The following TATDN2 variants were observed in gnomAD, a reference collection of about 807,000 sequenced individuals.
TATDN2 encodes TatD DNase domain containing 2.
In TATDN2, 44 loss-of-function variants were observed where a neutral mutation model predicts 60.3. The observed-to-expected ratio is 0.73, with a 90% CI of 0.57 to 0.94. The LOEUF (loss-of-function observed/expected upper bound fraction) is 0.94, where lower values mean the gene tolerates loss of function less well. Among genes scored for constraint, TATDN2 ranks in the 40% least tolerant of loss-of-function variants. The pLI, the probability that TATDN2 is intolerant of heterozygous loss-of-function variation, is 0.00. For missense variants in TATDN2, 997 were observed against 948.0 expected, an observed-to-expected ratio of 1.05 and a Z score of -0.68; for synonymous variants, 399 against 355.8, an observed-to-expected ratio of 1.12 and a Z score of -1.37.
intron 2 of TATDN2, among the ~76,000 whole-genome samples, chr3:10,256,328 T>C (rs1166219873): frequency 1.3e-5 from 2 of 152,060 alleles, no homozygotes; most frequent in African/African-American, 4.8e-5. Flanking sequence ...TGTGGGTCAC[T>C]GCACCCAGCT....
At chr3:10,254,638 G>A (rs1698278150) in intron 2 of TATDN2, among the ~76,000 whole-genome samples, 1 of 152,298 alleles carries the variant, frequency 6.6e-6, no homozygotes, top group African/African-American at 2.4e-5. Context: ...GCATTTTAGA[G>A]CTCCTCTGGC....
Position 10,270,512 on chromosome 3 carries a change from A to G in TATDN2, c.1330A>G (p.Asn444Asp), listed in dbSNP as rs767098278. The change falls in exon 4 of 8, where the codon AAT (asparagine) becomes GAT (aspartate). Residue 444 changes from asparagine (N) to aspartate (D), a missense_variant. Asn to Asp is a conservative substitution (Grantham distance 23, BLOSUM62 1). Transcript: ENST00000448281. ...MEASEEGWSQ[N>D]SRSFRFSRSS... ...GGCCTCAGAGGAAGGCTGGTCCCAG[A>G]ATTCTCGTTCATTTCGCTTCTCCAG... 1.4e-5 allele frequency: 23 copies of G among 1,614,212 alleles called. No homozygotes were observed. Among genetic ancestry groups the G allele is most frequent in the Non-Finnish European group, 1.9e-5 (22 of 1,180,022 alleles).
chr3:10,249,520 G>A lies in TATDN2; in HGVS notation c.320G>A (p.Arg107Gln), dbSNP rs1698189408. 1.2e-6 allele frequency: 2 copies of A among 1,606,750 alleles called. No homozygotes were observed. The highest frequency in any genetic ancestry group is 1.7e-6 in the Non-Finnish European group (2 of 1,176,466). Residue 107 changes from arginine to glutamine, a missense_variant, in exon 2 of 8, where the codon CGG becomes CAG. Physicochemically the swap from Arg to Gln is conservative, Grantham distance 43. Coordinates refer to ENST00000448281, the MANE Select transcript of TATDN2 (RefSeq NM_014760.4). The part of the protein sequence containing the change: ...ASKGCLIRNT[R>Q]GFLSSGGSPL... ...AAAGGCTGCCTGATTCGGAACACTC[G>A]GGGGTTCCTGTCTTCAGGGGGATCC...
Position 10,279,489 on chromosome 3 carries a change from G to C in TATDN2, c.*307G>C, listed in dbSNP as rs1228788817. On this transcript the variant is annotated 3_prime_UTR_variant, in exon 8 of 8. Transcript: ENST00000448281. Reference sequence around the variant, plus strand: ...AAAGAAGAAAGAGTGCGATATGAGGGTACAGTGAGTTTGGCAGTCCAAATT... The same window carrying C: ...AAAGAAGAAAGAGTGCGATATGAGGCTACAGTGAGTTTGGCAGTCCAAATT... The C allele has an allele frequency of 1.2e-5, 2 of 163,670 alleles. No individual in the cohort carries two copies. Among genetic ancestry groups the C allele is most frequent in the African/African-American group, 4.8e-5 (2 of 41,454 alleles). The allele number at this position is 163,670 out of a possible 1,614,324, so 10.1% of individuals were successfully genotyped here. A position where few individuals can be genotyped will look rare whatever the true frequency, so the allele number is the denominator to read the frequency against.
chr3:10,249,834 CTTTGGA>C (rs1326073600), intron 2 of TATDN2, among the ~76,000 whole-genome samples: 2 of 152,184 alleles, frequency 1.3e-5, no homozygotes, highest in Non-Finnish European at 2.9e-5. Flanking sequence ...CTCGGCAGCA[CTTTGGA>C]ACTACTTGGA....
Position 10,270,832 on chromosome 3 carries a change from G to C in TATDN2, c.1650G>C (p.Glu550Asp), listed in dbSNP as rs1202064443. The C allele has an allele frequency of 6.2e-7, 1 of 1,614,232 alleles. No homozygotes were observed. Among genetic ancestry groups the C allele is most frequent in the Non-Finnish European group, 8.5e-7 (1 of 1,180,032 alleles). ...CCCTGACAGATTGCCTATGGGAGGA[G>C]CTGTTGAAAGAGGATCTGGTCTGGG... ...PRTLTDCLWEELLKEDLVWGA... is the reference protein window; with the variant it reads ...PRTLTDCLWEDLLKEDLVWGA... Residue 550 changes from glutamate (E) to aspartate (D), a missense_variant, in exon 4 of 8, where the codon GAG (glutamate) becomes GAC (aspartate). Coordinates refer to ENST00000448281, the MANE Select transcript of TATDN2 (RefSeq NM_014760.4).
chr3:10,268,260 A>G (rs1698508639), intron 3 of TATDN2, among the ~76,000 whole-genome samples: 1 of 152,268 alleles, frequency 6.6e-6, no homozygotes, highest in East Asian at 1.9e-4. Context: ...TAATTCATTT[A>G]AGTGTTGGTT....
intron 5 of TATDN2, among the ~76,000 whole-genome samples, chr3:10,277,087 A>G (rs780372666): frequency 1.1e-4 from 16 of 152,030 alleles, no homozygotes; most frequent in Non-Finnish European, 1.8e-4. Flanking sequence ...AGTTCTCAGC[A>G]GTGAGGATTG....
At chr3:10,265,017 G>GTT (rs753670543) in intron 3 of TATDN2, among the ~76,000 whole-genome samples, 9 of 48,636 alleles carry the variant, frequency 1.9e-4, no homozygotes, top group African/African-American at 9.1e-4. Flanking sequence ...TTTTTTTTTG[G>GTT]TCTTTTTTTT....
Position 10,270,819 on chromosome 3 carries a change from G to A in TATDN2, c.1637G>A (p.Cys546Tyr). ...TGTGATCCCCGCACCCTGACAGATTGCCTATGGGAGGAGCTGTTGAAAGAG... is the reference window on the plus strand; with the variant it reads ...TGTGATCCCCGCACCCTGACAGATTACCTATGGGAGGAGCTGTTGAAAGAG... ...DFCDPRTLTD[C>Y]LWEELLKEDL... The change falls in exon 4 of 8, where the codon TGC becomes TAC. Residue 546 changes from cysteine to tyrosine, a missense_variant. By Grantham distance (194) the Cys-to-Tyr change is radical. Transcript: ENST00000448281. 1 of 1,614,202 alleles carries A rather than the reference G, an allele frequency of 6.2e-7. No individual in the cohort carries two copies.
Position 10,260,680 on chromosome 3 carries a change from G to T in TATDN2, c.948+10G>T. 1 of 1,605,564 alleles carries T rather than the reference G, an allele frequency of 6.2e-7. No homozygotes were observed. Among genetic ancestry groups the T allele is most frequent in the South Asian group, 1.1e-5 (1 of 90,042 alleles). On this transcript the variant is annotated intron_variant, in intron 3 of 7. Coordinates refer to ENST00000448281, the MANE Select transcript of TATDN2 (RefSeq NM_014760.4). ...TTTAGAAATCCAAAAGGTGAGTAAA[G>T]CTTGTACCAGGCATCTGACTTTTTA...
At chr3:10,251,651 G>A (rs1413551974) in intron 2 of TATDN2, among the ~76,000 whole-genome samples, 1 of 152,016 alleles carries the variant, frequency 6.6e-6, no homozygotes, top group African/African-American at 2.4e-5. Context: ...CTCCCAAAGT[G>A]CTGGGATTAC....
In TATDN2 at chr3:10,279,118, A is replaced by G. The variant is rs981978011; in HGVS notation, c.*38+55A>G. 6 of 1,482,646 alleles carry G rather than the reference A, an allele frequency of 4.0e-6. No individual in the cohort carries two copies. The African/African-American group carries it at 7.1e-5, about 17-fold the overall frequency. The allele number at this position is 1,482,646 out of a possible 1,614,324, so 91.8% of individuals were successfully genotyped here. The stretch of plus-strand genomic sequence containing the variant: ...AAAACCAGGACAAGTCTTTTGTTGC[A>G]TTTTGTTAATGTAAAGAATATAAAC... On this transcript the variant is annotated intron_variant, in intron 7 of 7. Transcript: ENST00000448281.
chr3:10,272,030 CCT>C (rs1322904617), intron 4 of TATDN2, among the ~76,000 whole-genome samples: 2 of 152,024 alleles, frequency 1.3e-5, no homozygotes, highest in Non-Finnish European at 2.9e-5. Context: ...GCGCCCGCCC[CCT>C]GTTAATATTT....
Position 10,260,641 on chromosome 3 carries a change from G to A in TATDN2, c.919G>A (p.Asp307Asn). ...CTCTCCACCCCTAGAGTTCTTGGAT[G>A]ACTCTGACTCTCATTTAGAAATCCA... ...KCSPPLEFLD[D>N]SDSHLEIQKH... Residue 307 changes from aspartate to asparagine, a missense_variant, in exon 3 of 8, where the codon GAC becomes AAC. Coordinates refer to ENST00000448281, the MANE Select transcript of TATDN2 (RefSeq NM_014760.4). 6.2e-7 allele frequency: 1 copy of A among 1,613,488 alleles called. No individual in the cohort carries two copies. The highest frequency in any genetic ancestry group is 8.5e-7 in the Non-Finnish European group (1 of 1,179,746).
intron 3 of TATDN2, among the ~76,000 whole-genome samples, chr3:10,264,129 C>T (rs1374226197): frequency 2.6e-5 from 4 of 152,192 alleles, no homozygotes; most frequent in African/African-American, 9.7e-5. Flanking sequence ...AACTCACCTT[C>T]TCTGAGTATG....
At chr3:10,271,096 T>C (rs770105089) in intron 4 of TATDN2, 81 bp downstream of exon 4, 1 of 1,475,766 alleles carries the variant, frequency 6.8e-7, no homozygotes, top group Non-Finnish European at 8.9e-7. Context: ...GTTTATCTAA[T>C]TTTAGAAGTA....
At chr3:10,262,634 C>G (rs1367258270) in intron 3 of TATDN2, among the ~76,000 whole-genome samples, 2 of 139,434 alleles carry the variant, frequency 1.4e-5, no homozygotes, top group Non-Finnish European at 3.0e-5. Flanking sequence ...TTCCTGGGTT[C>G]AAGTGATTCT....
intron 4 of TATDN2, among the ~76,000 whole-genome samples, chr3:10,273,369 G>C (rs890286945): frequency 6.6e-6 from 1 of 152,194 alleles, no homozygotes; most frequent in Non-Finnish European, 1.5e-5. Flanking sequence ...GCACCTAGTT[G>C]GATGTCAGTG....
Sources: allele counts gnomAD v4.1 joint callset (sites outside exome capture counted in the v4.1 genomes callset), GRCh38; gene constraint gnomAD v4.1.1; transcripts MANE v1.5; gene names NCBI Gene and HGNC (gene_info 2026-07-23, HGNC 2026-07-21).